The following NDP variants were observed in gnomAD, a reference collection of about 807,000 sequenced individuals.
The protein encoded by NDP is norrin.
Under a neutral mutation model 8.4 loss-of-function variants are expected in NDP, and 2 were observed. That is an observed-to-expected ratio of 0.24 (90% CI 0.10 to 0.75). The LOEUF (loss-of-function observed/expected upper bound fraction) is 0.75, where lower values mean the gene tolerates loss of function less well. Ranked by LOEUF, NDP falls within the 30% of genes least tolerant of loss-of-function variation. The pLI, the probability that NDP is intolerant of heterozygous loss-of-function variation, is 0.73. For missense variants in NDP, 81 were observed against 110.1 expected, an observed-to-expected ratio of 0.74 and a Z score of 1.18; for synonymous variants, 55 against 45.6, an observed-to-expected ratio of 1.21 and a Z score of -0.83.
Position 43,973,289 on chromosome X carries a change from T to C in NDP, c.-208+15A>G, listed in dbSNP as rs1187079685. 9.0e-6 allele frequency: 1 copy of C among 111,689 alleles called. No homozygotes were observed. Among genetic ancestry groups the C allele is most frequent in the East Asian group, 2.8e-4 (1 of 3,546 alleles). The allele number at this position is 111,689 out of a possible 1,213,427, so 9.2% of individuals were successfully genotyped here. ...ATTTCCTAGGCAAGCCGGCAGCGCT[T>C]GTTTTCCTGCTTACCTTAGGGGAAC... is the stretch of plus-strand genomic sequence containing the variant. On this transcript the variant is annotated intron_variant, in intron 1 of 2. Coordinates refer to ENST00000642620, the MANE Select transcript of NDP (RefSeq NM_000266.4).
At chrX:43,966,978 C>A (rs900067233) in intron 1 of NDP, among the ~76,000 whole-genome samples, 1 of 111,641 alleles carries the variant, frequency 9.0e-6, no homozygotes, top group African/African-American at 3.3e-5. Flanking sequence ...GATTTGAATA[C>A]TGAATTCAAT....
At chrX:43,966,991 C>T (rs1051808140) in intron 1 of NDP, among the ~76,000 whole-genome samples, 2 of 111,308 alleles carry the variant, frequency 1.8e-5, no homozygotes, top group African/African-American at 3.3e-5. Context: ...AATTCAATCC[C>T]GTTGCAATCC....
chrX:43,959,610 A>G (rs775213911), intron 1 of NDP, among the ~76,000 whole-genome samples: 2 of 111,528 alleles, frequency 1.8e-5, no homozygotes, highest in East Asian at 5.6e-4. Flanking sequence ...GGATCATATT[A>G]TACCGGTTTT....
intron 2 of NDP, among the ~76,000 whole-genome samples, chrX:43,957,617 A>T (rs1290248387): frequency 9.1e-6 from 1 of 110,351 alleles, no homozygotes; most frequent in Non-Finnish European, 1.9e-5. Context: ...ACTATAAAAA[A>T]TTCTTAATTA....
chrX:43,963,485 A>G (rs980501792), intron 1 of NDP, among the ~76,000 whole-genome samples: 4 of 112,495 alleles, frequency 3.6e-5, no homozygotes, highest in Non-Finnish European at 7.5e-5. Context: ...GAATTACTTG[A>G]TATTTATTGT....
At position 43,949,039 on chromosome X, in the gene NDP, C is replaced by T. The variant is rs2035745169; in HGVS notation, c.*760G>A. On this transcript the variant is annotated 3_prime_UTR_variant, in exon 3 of 3. Coordinates refer to ENST00000642620, the MANE Select transcript of NDP (RefSeq NM_000266.4). ...TCTCCATGCCACTAGTACATATATG[C>T]CTTTTCCAGAGTCAGTGCAGGATCC... 8.9e-6 allele frequency: 1 copy of T among 112,416 alleles called. No individual in the cohort carries two copies. Among genetic ancestry groups the T allele is most frequent in the Non-Finnish European group, 1.9e-5 (1 of 53,571 alleles). The allele number at this position is 112,416 out of a possible 1,213,427, so 9.3% of individuals were successfully genotyped here. A position where few individuals can be genotyped will look rare whatever the true frequency, so the allele number is the denominator to read the frequency against.
intron 2 of NDP, chrX:43,953,253 C>A (rs945045672): frequency 8.9e-6 from 1 of 111,971 alleles, no homozygotes; most frequent in Admixed American, 9.5e-5. Flanking sequence ...GAATAACCAT[C>A]TGCTCTCCTG....
chrX:43,963,277 C>T (rs773301609), intron 1 of NDP, among the ~76,000 whole-genome samples: 1 of 111,878 alleles, frequency 8.9e-6, no homozygotes, highest in South Asian at 3.8e-4. Context: ...AATATAGTTC[C>T]TATCCTCGAT....
At chrX:43,958,083 G>T (rs1160319001) in intron 2 of NDP, among the ~76,000 whole-genome samples, 1 of 110,971 alleles carries the variant, frequency 9.0e-6, no homozygotes, top group African/African-American at 3.3e-5. Flanking sequence ...TCTTTAAAGA[G>T]CCCTCCAAGA....
At chrX:43,950,736 G>T (rs896932308) in intron 2 of NDP, among the ~76,000 whole-genome samples, 1 of 111,647 alleles carries the variant, frequency 9.0e-6, no homozygotes, top group Admixed American at 9.5e-5. Flanking sequence ...TACCCATTCT[G>T]ATAATCTCTA....
intron 1 of NDP, among the ~76,000 whole-genome samples, chrX:43,962,027 A>T (rs2035829170): frequency 8.9e-6 from 1 of 112,276 alleles, no homozygotes; most frequent in Non-Finnish European, 1.9e-5. Context: ...CTCTTTAGAG[A>T]TGGTGAGCTG....
intron 2 of NDP, among the ~76,000 whole-genome samples, chrX:43,955,264 A>G (rs1160282535): frequency 8.9e-6 from 1 of 112,315 alleles, no homozygotes; most frequent in African/African-American, 3.2e-5. Context: ...TTATAACTTT[A>G]TCATCAAGAT....
At chrX:43,950,079 A>G (rs2035752381) in intron 2 of NDP, 53 bp from the exon 3 acceptor site, 4 of 1,040,010 alleles carry the variant, frequency 3.8e-6, no homozygotes, top group South Asian at 4.0e-5. Context: ...AACCTTAGCC[A>G]GGTAAAACAG....
chrX:43,955,279 A>C (rs980533811), intron 2 of NDP, among the ~76,000 whole-genome samples: 5 of 112,347 alleles, frequency 4.5e-5, no homozygotes, highest in African/African-American at 1.6e-4. Flanking sequence ...CAAGATCATA[A>C]TATCTTCTAT....
At chrX:43,957,925 A>C (rs2035804863) in intron 2 of NDP, among the ~76,000 whole-genome samples, 1 of 108,247 alleles carries the variant, frequency 9.2e-6, no homozygotes, top group Middle Eastern at 4.2e-3. Context: ...AGAAACATGC[A>C]TCCTTTTCCA....
At chrX:43,965,139 G>T (rs966765230) in intron 1 of NDP, among the ~76,000 whole-genome samples, 1 of 112,251 alleles carries the variant, frequency 8.9e-6, no homozygotes, top group Non-Finnish European at 1.9e-5. Context: ...AGTGGGCCAA[G>T]TGCAGCGGCT....
At chrX:43,970,017 T>C (rs1334706065) in intron 1 of NDP, among the ~76,000 whole-genome samples, 1 of 112,149 alleles carries the variant, frequency 8.9e-6, no homozygotes, top group Non-Finnish European at 1.9e-5. Context: ...AAGGGAAATA[T>C]ATAGCCAGCC....
chrX:43,968,626 C>T (rs1191016729), intron 1 of NDP, among the ~76,000 whole-genome samples: 1 of 112,456 alleles, frequency 8.9e-6, no homozygotes, highest in Non-Finnish European at 1.9e-5. Context: ...CAGGGGCAGA[C>T]AAGAAAACAG....
rs1223616456 is a variant in NDP, at chrX:43,962,092, T to A, written c.-207-3240A>T. ...ATTGACAGGAAATGTTGCTTTACCATTAATTCTAAGAAACAGATTTTTCAT... is the reference window on the plus strand; with the variant it reads ...ATTGACAGGAAATGTTGCTTTACCAATAATTCTAAGAAACAGATTTTTCAT... On this transcript the variant is annotated intron_variant, in intron 1 of 2. Transcript: ENST00000642620. 4.5e-5 allele frequency among the ~76,000 whole-genome samples: 5 copies of A among 111,834 alleles called. 1 individual carries two copies. The highest frequency in any genetic ancestry group is 1.6e-4 in the African/African-American group (5 of 30,736).
Sources: allele counts gnomAD v4.1 joint callset (sites outside exome capture counted in the v4.1 genomes callset), GRCh38; gene constraint gnomAD v4.1.1; transcripts MANE v1.5; gene names NCBI Gene and HGNC (gene_info 2026-07-23, HGNC 2026-07-21).